The following PTPRD variants were observed in gnomAD, a reference collection of about 807,000 sequenced individuals.
The protein encoded by PTPRD is receptor-type tyrosine-protein phosphatase delta.
Under a neutral mutation model 214.5 loss-of-function variants are expected in PTPRD, and 34 were observed. That is an observed-to-expected ratio of 0.16 (90% CI 0.12 to 0.21). The LOEUF (loss-of-function observed/expected upper bound fraction) is 0.21, where lower values mean the gene tolerates loss of function less well. PTPRD is among the 10% of genes least tolerant of loss of function. The pLI is 1.00. For synonymous variants in PTPRD, 1,128 were observed against 845.7 expected (o/e 1.33, Z -5.79); for missense variants, 2,545 against 2,398.7 (o/e 1.06, Z -1.27).
chr9:9,369,168 A>T (rs1194649144), intron 9 of PTPRD, among the ~76,000 whole-genome samples: 1 of 151,844 alleles, frequency 6.6e-6, no homozygotes, highest in Non-Finnish European at 1.5e-5. Flanking sequence ...TCATTGTTGG[A>T]CATTTGAGTT....
intron 39 of PTPRD, among the ~76,000 whole-genome samples, chr9:8,354,692 G>C (rs948511083): frequency 6.6e-6 from 1 of 152,178 alleles, no homozygotes; most frequent in Non-Finnish European, 1.5e-5. Context: ...TGAAGATCAC[G>C]TGGCTGTCAC....
chr9:8,548,827 T>C (rs2140567205), intron 14 of PTPRD, among the ~76,000 whole-genome samples: 1 of 151,580 alleles, frequency 6.6e-6, no homozygotes, highest in South Asian at 2.1e-4. Context: ...CCCGAGTAGC[T>C]GGGATTACAG....
intron 11 of PTPRD, among the ~76,000 whole-genome samples, chr9:8,794,015 A>G (rs2096325315): frequency 6.6e-6 from 1 of 152,204 alleles, no homozygotes; most frequent in Admixed American, 6.5e-5. Flanking sequence ...AGTACTAGGA[A>G]ACTAAAGAAA....
chr9:10,552,230 C>G (rs2061503313), intron 2 of PTPRD, among the ~76,000 whole-genome samples: 1 of 151,000 alleles, frequency 6.6e-6, no homozygotes, highest in Non-Finnish European at 1.5e-5. Flanking sequence ...CCATTCGACA[C>G]TAATAGAACA....
intron 7 of PTPRD, among the ~76,000 whole-genome samples, chr9:9,611,937 A>G (rs960069891): frequency 1.3e-5 from 2 of 152,146 alleles, no homozygotes; most frequent in Non-Finnish European, 2.9e-5. Flanking sequence ...AAGACTTGAC[A>G]GACACTTTAT....
intron 14 of PTPRD, among the ~76,000 whole-genome samples, chr9:8,581,941 A>AAAAAAAAAAC: frequency 6.7e-6 from 1 of 149,352 alleles, no homozygotes; most frequent in Non-Finnish European, 1.5e-5. Context: ...AAAAAAAAAA[A>AAAAAAAAAAC]AGAGGGAAAA....
intron 4 of PTPRD, among the ~76,000 whole-genome samples, chr9:9,956,710 C>T (rs1053558050): frequency 6.6e-6 from 1 of 151,916 alleles, no homozygotes; most frequent in African/African-American, 2.4e-5. Flanking sequence ...GGGAATGGCC[C>T]ATAGGAGCTA....
chr9:10,165,520 T>G (rs1452742166), intron 3 of PTPRD, among the ~76,000 whole-genome samples: 1 of 151,836 alleles, frequency 6.6e-6, no homozygotes, highest in Non-Finnish European at 1.5e-5. Flanking sequence ...CTTCTTTGTA[T>G]AACAATGGCA....
chr9:9,948,417 A>G (rs187302548), intron 4 of PTPRD, among the ~76,000 whole-genome samples: 79 of 152,220 alleles, frequency 5.2e-4, no homozygotes, highest in African/African-American at 1.8e-3. Context: ...AATATCAAAC[A>G]ACATGCCTGA....
At chr9:9,507,205 A>T (rs898089220) in intron 8 of PTPRD, among the ~76,000 whole-genome samples, 1 of 151,260 alleles carries the variant, frequency 6.6e-6, no homozygotes, top group African/African-American at 2.4e-5. Flanking sequence ...TAAGCATTAT[A>T]ATGTCAATTT....
At chr9:9,823,546 C>T (rs2051551212) in intron 5 of PTPRD, among the ~76,000 whole-genome samples, 1 of 151,674 alleles carries the variant, frequency 6.6e-6, no homozygotes, top group African/African-American at 2.4e-5. Context: ...TATTATTCAG[C>T]CATAAAAAAG....
chr9:9,539,919 A>G (rs980415690), intron 8 of PTPRD, among the ~76,000 whole-genome samples: 1 of 151,834 alleles, frequency 6.6e-6, no homozygotes, highest in African/African-American at 2.4e-5. Context: ...TCTCACATCC[A>G]TTTCCATTAG....
At chr9:9,500,982 C>T (rs2096395365) in intron 8 of PTPRD, among the ~76,000 whole-genome samples, 2 of 151,624 alleles carry the variant, frequency 1.3e-5, no homozygotes, top group Non-Finnish European at 2.9e-5. Flanking sequence ...CCTAGAGCAA[C>T]CATTAACAAA....
At chr9:9,293,440 A>C (rs1381627843) in intron 9 of PTPRD, among the ~76,000 whole-genome samples, 1 of 150,006 alleles carries the variant, frequency 6.7e-6, no homozygotes, top group Non-Finnish European at 1.5e-5. Flanking sequence ...TTTACACTAC[A>C]AGCTGTCCCA....
intron 7 of PTPRD, among the ~76,000 whole-genome samples, chr9:9,583,903 G>A (rs571573572): frequency 1.2e-4 from 18 of 152,078 alleles, no homozygotes; most frequent in African/African-American, 4.1e-4. Context: ...CGCCATGGTT[G>A]GCTACTTTAA....
At chr9:9,526,613 C>T (rs1361908661) in intron 8 of PTPRD, among the ~76,000 whole-genome samples, 1 of 152,042 alleles carries the variant, frequency 6.6e-6, no homozygotes, top group African/African-American at 2.4e-5. Context: ...TGTAATTGGA[C>T]ATAACTTTAA....
chr9:8,876,392 T>C (rs2098390725), intron 11 of PTPRD, among the ~76,000 whole-genome samples: 1 of 152,188 alleles, frequency 6.6e-6, no homozygotes, highest in South Asian at 2.1e-4. Flanking sequence ...CCTTTCCTTT[T>C]AAACACTGGA....
chr9:9,263,487 G>C (rs1569566036), intron 9 of PTPRD, among the ~76,000 whole-genome samples: 1 of 151,574 alleles, frequency 6.6e-6, no homozygotes, highest in African/African-American at 2.4e-5. Context: ...TTCCATTCCT[G>C]AATTACATTT....
At chr9:10,561,702 A>G (rs552618765) in intron 2 of PTPRD, among the ~76,000 whole-genome samples, 1 of 152,276 alleles carries the variant, frequency 6.6e-6, no homozygotes, top group African/African-American at 2.4e-5. Context: ...TTCTATCCTC[A>G]GAAGGTTTCA....
Sources: allele counts gnomAD v4.1 joint callset (sites outside exome capture counted in the v4.1 genomes callset), GRCh38; gene constraint gnomAD v4.1.1; transcripts MANE v1.5; gene names NCBI Gene and HGNC (gene_info 2026-07-23, HGNC 2026-07-21).